CNTN5: variants seen among roughly 807,000 people sequenced by gnomAD.
CNTN5 encodes contactin-5.
Under a neutral mutation model 129.1 loss-of-function variants are expected in CNTN5, and 77 were observed. The observed-to-expected ratio is 0.60, with a 90% confidence interval of 0.50 to 0.72. The LOEUF (loss-of-function observed/expected upper bound fraction) is 0.72. CNTN5 is among the 30% of genes least tolerant of loss of function. The pLI, the probability that CNTN5 is intolerant of heterozygous loss-of-function variation, is 0.00. For synonymous variants in CNTN5, 509 were observed against 465.6 expected, an observed-to-expected ratio of 1.09 and a Z score of -1.20; for missense variants, 1,478 against 1,328.8, an observed-to-expected ratio of 1.11 and a Z score of -1.75.
At position 99,531,050 on chromosome 11, in the gene CNTN5, A is replaced by G. The variant is rs145281777; in HGVS notation, c.-70-25095A>G. Among the ~76,000 whole-genome samples the G allele has an allele frequency of 2.8e-3, 424 of 152,332 alleles. 2 individuals carry two copies. Among genetic ancestry groups the G allele is most frequent in the African/African-American group, 9.0e-3 (374 of 41,588 alleles). On this transcript the variant is annotated intron_variant, in intron 2 of 24. Coordinates refer to ENST00000524871, the MANE Select transcript of CNTN5 (RefSeq NM_014361.4). ...GAGGCTGGAACAGTTTGGAAGGCTC[A>G]GAAGAAGACAGGAAAATGTGGAAGA...
chr11:99,217,348 A>T (rs1217373574), intron 1 of CNTN5, among the ~76,000 whole-genome samples: 1 of 152,230 alleles, frequency 6.6e-6, no homozygotes, highest in Non-Finnish European at 1.5e-5. Flanking sequence ...ATTACTAATT[A>T]TCAGAGAATG....
intron 16 of CNTN5, among the ~76,000 whole-genome samples, chr11:100,242,397 A>G (rs1462741318): frequency 6.6e-6 from 1 of 152,090 alleles, no homozygotes; most frequent in Non-Finnish European, 1.5e-5. Context: ...TCTTCTCTTT[A>G]AAAGTCATAA....
chr11:99,851,454 A>G (rs1241315884), intron 6 of CNTN5, among the ~76,000 whole-genome samples: 1 of 152,206 alleles, frequency 6.6e-6, no homozygotes, highest in African/African-American at 2.4e-5. Context: ...GTGACAAGCA[A>G]GAATACACCA....
At chr11:100,277,560 C>T (rs1451334839) in intron 18 of CNTN5, among the ~76,000 whole-genome samples, 2 of 151,968 alleles carry the variant, frequency 1.3e-5, no homozygotes, top group Non-Finnish European at 2.9e-5. Context: ...GATTTGCATT[C>T]CCCTGATGAT....
intron 1 of CNTN5, among the ~76,000 whole-genome samples, chr11:99,030,242 A>G (rs1294537354): frequency 6.6e-6 from 1 of 152,150 alleles, no homozygotes; most frequent in African/African-American, 2.4e-5. Flanking sequence ...AATCAAAATT[A>G]CTTCCTTCAT....
intron 8 of CNTN5, among the ~76,000 whole-genome samples, chr11:99,979,254 T>C (rs1323315074): frequency 6.6e-6 from 1 of 152,026 alleles, no homozygotes; most frequent in Non-Finnish European, 1.5e-5. Flanking sequence ...CATGCCACAA[T>C]GTGTGAAGAG....
chr11:100,106,107 AAGGGCGATTC>A (rs1274768435), intron 13 of CNTN5, among the ~76,000 whole-genome samples: 3 of 152,130 alleles, frequency 2.0e-5, no homozygotes, highest in Non-Finnish European at 4.4e-5. Context: ...TTTTCCCACA[AAGGGCGATTC>A]AGGGACTGCA....
chr11:99,141,672 G>A (rs144631720), intron 1 of CNTN5, among the ~76,000 whole-genome samples: 9 of 152,064 alleles, frequency 5.9e-5, no homozygotes, highest in Non-Finnish European at 1.0e-4. Flanking sequence ...TTCCTGTGTC[G>A]CAGAGTTTCT....
intron 6 of CNTN5, among the ~76,000 whole-genome samples, chr11:99,857,496 C>A (rs923380625): frequency 6.6e-6 from 1 of 152,082 alleles, no homozygotes; most frequent in African/African-American, 2.4e-5. Context: ...AGAAATACTT[C>A]ATCGATTATA....
intron 7 of CNTN5, 137 bp from the exon 8 acceptor site, chr11:99,956,669 A>G (rs762581677): frequency 5.0e-5 from 31 of 617,276 alleles, no homozygotes; most frequent in Non-Finnish European, 8.6e-5. Context: ...ATAAAATACT[A>G]AATTATATAG....
intron 3 of CNTN5, among the ~76,000 whole-genome samples, chr11:99,778,954 T>C (rs1338411179): frequency 6.6e-6 from 1 of 151,858 alleles, no homozygotes; most frequent in African/African-American, 2.4e-5. Context: ...GTTGTTTTTC[T>C]CAATGTCCAG....
intron 3 of CNTN5, 141 bp downstream of exon 3, chr11:99,556,410 G>A (rs1204732041): frequency 1.0e-5 from 5 of 478,288 alleles, no homozygotes; most frequent in African/African-American, 1.0e-4. Flanking sequence ...GAGAAAGGCA[G>A]CAACCCTTAA....
At chr11:99,478,980 C>T (rs563096975) in intron 2 of CNTN5, among the ~76,000 whole-genome samples, 6 of 151,818 alleles carry the variant, frequency 4.0e-5, no homozygotes, top group African/African-American at 1.4e-4. Flanking sequence ...TCTTTTAGCC[C>T]CTAAACACTA....
chr11:99,898,140 A>G (rs1949258036), intron 6 of CNTN5, among the ~76,000 whole-genome samples: 1 of 152,058 alleles, frequency 6.6e-6, no homozygotes, highest in Non-Finnish European at 1.5e-5. Flanking sequence ...TTCAGCTGGA[A>G]ATGTAATGCT....
chr11:99,823,850 T>C (rs1946873268), intron 4 of CNTN5, among the ~76,000 whole-genome samples: 2 of 152,118 alleles, frequency 1.3e-5, no homozygotes, highest in South Asian at 4.1e-4. Flanking sequence ...TGCATATATT[T>C]ATATTTCTAT....
At chr11:100,039,280 A>G (rs189638372) in intron 9 of CNTN5, among the ~76,000 whole-genome samples, 104 of 152,294 alleles carry the variant, frequency 6.8e-4, no homozygotes, top group Admixed American at 2.8e-3. Context: ...TTTCTTTAAG[A>G]ATGTTGAATA....
intron 6 of CNTN5, among the ~76,000 whole-genome samples, chr11:99,886,997 T>C: frequency 6.6e-6 from 1 of 152,232 alleles, no homozygotes; most frequent in Non-Finnish European, 1.5e-5. Flanking sequence ...AGACCGATTA[T>C]ACTAGTCAGG....
chr11:99,831,409 T>G (rs369142443), intron 4 of CNTN5, among the ~76,000 whole-genome samples: 4 of 152,178 alleles, frequency 2.6e-5, no homozygotes, highest in East Asian at 1.9e-4. Flanking sequence ...CGTTCAACTT[T>G]CGAAGTATTG....
At chr11:99,257,132 C>T (rs771828543) in intron 1 of CNTN5, among the ~76,000 whole-genome samples, 7 of 152,034 alleles carry the variant, frequency 4.6e-5, no homozygotes, top group Non-Finnish European at 7.4e-5. Flanking sequence ...AAGGTAAGAA[C>T]AGAACAAAAT....
Sources: gnomAD v4.1 joint callset for allele counts (sites outside exome capture counted in the v4.1 genomes callset) on GRCh38, gnomAD v4.1.1 for gene constraint, MANE v1.5 for transcripts, NCBI Gene and HGNC (gene_info 2026-07-23, HGNC 2026-07-21) for gene names.